Variants in ATF7IP observed in about 807,000 individuals in gnomAD.
The protein encoded by ATF7IP is activating transcription factor 7 interacting protein.
In ATF7IP, 23 loss-of-function variants were observed where a neutral mutation model predicts 106.4. That is an observed-to-expected ratio of 0.22 (90% CI 0.16 to 0.31). ATF7IP has a LOEUF of 0.31. ATF7IP is among the 10% of genes least tolerant of loss of function. The pLI is 1.00. For missense variants in ATF7IP, 1,334 were observed against 1,524.3 expected (o/e 0.88, Z 2.08); for synonymous variants, 542 against 539.0 (o/e 1.01, Z -0.08).
At chr12:14,463,169 A>AT (rs1325232396) in intron 9 of ATF7IP, among the ~76,000 whole-genome samples, 2 of 152,158 alleles carry the variant, frequency 1.3e-5, no homozygotes, top group Admixed American at 6.5e-5. Context: ...GTAGTTTGTG[A>AT]TTAATTAATT....
rs764650738 is a variant in ATF7IP at position 14,496,254 on chromosome 12, A to G, written c.3304A>G (p.Thr1102Ala). ...QNSVTVRVPQ[T>A]TTYVVNNGLT... ...AGGTGTTACAGTTCGAGTGCCTCAA[A>G]CAACCACATATGTTGTAAACAATGG... The change falls in exon 14 of 15, where the codon ACA becomes GCA. Residue 1102 changes from threonine to alanine, a missense_variant. Physicochemically the swap from Thr to Ala is moderately conservative, Grantham distance 58. Transcript: ENST00000261168. The G allele has an allele frequency of 1.2e-6, 2 of 1,613,496 alleles. No individual in the cohort carries two copies. The highest frequency in any genetic ancestry group is 2.7e-5 in the African/African-American group (2 of 74,892).
At chr12:14,411,277 G>A (rs113137202) in intron 1 of ATF7IP, among the ~76,000 whole-genome samples, 15,641 of 152,108 alleles carry the variant, frequency 0.1, 993 homozygotes, top group African/African-American at 0.18. Flanking sequence ...CCATATCATT[G>A]CCAATACTCA....
At position 14,460,796 on chromosome 12, in the gene ATF7IP, A is replaced by C. The variant is rs532612486; in HGVS notation, c.2460A>C (p.Gln820His). The C allele has an allele frequency of 6.2e-7, 1 of 1,614,190 alleles. No individual in the cohort carries two copies. Among genetic ancestry groups the C allele is most frequent in the African/African-American group, 1.3e-5 (1 of 75,052 alleles). ...PSGNVEFISV[Q>H]SPPTVSGLTK... ...GCAATGTTGAATTCATTTCTGTGCAAAGCCCACCTACAGTGAGTGGTCTTA... is the reference window on the plus strand; with the variant it reads ...GCAATGTTGAATTCATTTCTGTGCACAGCCCACCTACAGTGAGTGGTCTTA... Residue 820 changes from glutamine to histidine, a missense_variant, in exon 9 of 15, where the codon CAA becomes CAC. Coordinates refer to ENST00000261168, the MANE Select transcript of ATF7IP (RefSeq NM_018179.5).
chr12:14,387,775 G>C (rs1452073967), intron 1 of ATF7IP, among the ~76,000 whole-genome samples: 1 of 152,086 alleles, frequency 6.6e-6, no homozygotes, highest in Non-Finnish European at 1.5e-5. Context: ...GTAATTGAGG[G>C]CATAATAAAT....
intron 10 of ATF7IP, among the ~76,000 whole-genome samples, chr12:14,475,610 C>G (rs7312966): frequency 0.93 from 142,326 of 152,290 alleles, 66,910 homozygotes; most frequent in Non-Finnish European, 0.98. Context: ...AATAGTGTTT[C>G]TGTTTAATCT....
At chr12:14,388,283 C>T (rs1221624034) in intron 1 of ATF7IP, among the ~76,000 whole-genome samples, 1 of 151,682 alleles carries the variant, frequency 6.6e-6, no homozygotes, top group Non-Finnish European at 1.5e-5. Flanking sequence ...CTCCTGACCT[C>T]AGGTGATCTG....
At chr12:14,393,376 C>G (rs955235839) in intron 1 of ATF7IP, among the ~76,000 whole-genome samples, 2 of 152,058 alleles carry the variant, frequency 1.3e-5, no homozygotes, top group Non-Finnish European at 2.9e-5. Context: ...GATATAAGAT[C>G]TTTCCTCCAA....
intron 1 of ATF7IP, among the ~76,000 whole-genome samples, chr12:14,371,891 C>A (rs1007743156): frequency 3.9e-5 from 6 of 151,924 alleles, no homozygotes; most frequent in Non-Finnish European, 8.8e-5. Flanking sequence ...TCAAGGGAGT[C>A]ACATGTATAA....
Position 14,436,088 on chromosome 12 carries a change from T to C in ATF7IP, c.1646-18T>C. The stretch of plus-strand genomic sequence containing the variant: ...AAGAAAAACACCTGAGTGTGATCAT[T>C]GTGGTTTTCCTTCTCAGATGAATTT... On this transcript the variant is annotated intron_variant, in intron 3 of 14. Coordinates refer to ENST00000261168, the MANE Select transcript of ATF7IP (RefSeq NM_018179.5). 1 of 1,610,554 alleles carries C rather than the reference T, an allele frequency of 6.2e-7. No homozygotes were observed. The highest frequency in any genetic ancestry group is 8.5e-7 in the Non-Finnish European group (1 of 1,178,206).
At chr12:14,412,157 A>G (rs1476637487) in intron 1 of ATF7IP, among the ~76,000 whole-genome samples, 1 of 152,206 alleles carries the variant, frequency 6.6e-6, no homozygotes, top group Admixed American at 6.5e-5. Context: ...TTTTACTGGT[A>G]GTATCACACT....
intron 6 of ATF7IP, among the ~76,000 whole-genome samples, chr12:14,450,254 A>G (rs1025879625): frequency 6.6e-6 from 1 of 152,224 alleles, no homozygotes; most frequent in Non-Finnish European, 1.5e-5. Context: ...TGATCTTAGA[A>G]GGAAAGCTTT....
At chr12:14,367,938 T>C (rs1231062570) in intron 1 of ATF7IP, among the ~76,000 whole-genome samples, 1 of 152,082 alleles carries the variant, frequency 6.6e-6, no homozygotes, top group Non-Finnish European at 1.5e-5. Context: ...ATATAAATAT[T>C]AAGACTAGGT....
chr12:14,367,698 TAGTA>T (rs1938365335), intron 1 of ATF7IP, among the ~76,000 whole-genome samples: 1 of 152,100 alleles, frequency 6.6e-6, no homozygotes. Context: ...ATATTGAAGG[TAGTA>T]AGAGGTATTT....
chr12:14,417,814 G>A (rs1941281561), intron 1 of ATF7IP, among the ~76,000 whole-genome samples: 1 of 152,122 alleles, frequency 6.6e-6, no homozygotes, highest in East Asian at 1.9e-4. Context: ...CTTAAGTATT[G>A]CAGATACAGT....
At chr12:14,426,894 A>G (rs1426894681) in intron 2 of ATF7IP, among the ~76,000 whole-genome samples, 1 of 151,770 alleles carries the variant, frequency 6.6e-6, no homozygotes, top group Admixed American at 6.6e-5. Context: ...AAACCTATAT[A>G]AAGAGACAGG....
intron 1 of ATF7IP, among the ~76,000 whole-genome samples, chr12:14,408,002 G>C (rs1254854805): frequency 1.3e-5 from 2 of 151,984 alleles, no homozygotes; most frequent in African/African-American, 2.4e-5. Context: ...GAAAAATGTA[G>C]TACTGTTTAG....
chr12:14,369,850 C>G (rs1268602117), intron 1 of ATF7IP, among the ~76,000 whole-genome samples: 1 of 151,910 alleles, frequency 6.6e-6, no homozygotes, highest in Non-Finnish European at 1.5e-5. Flanking sequence ...GATTCATATA[C>G]TAGGTATATT....
chr12:14,494,716 T>G (rs7316564), intron 13 of ATF7IP, among the ~76,000 whole-genome samples: 15,532 of 150,836 alleles, frequency 0.1, 984 homozygotes, highest in African/African-American at 0.18. Context: ...GCAGATCACT[T>G]GAGGTCAGGA....
chr12:14,434,459 A>G lies in ATF7IP; in HGVS notation c.1645+36A>G. On this transcript the variant is annotated intron_variant, in intron 3 of 14. Transcript: ENST00000261168. ...ATAAACAAACTTGAACTGGATTGAA[A>G]AATAATAATTCACTGTTTCTATATT... 3.6e-6 allele frequency: 4 copies of G among 1,107,424 alleles called. No individual in the cohort carries two copies. In the Admixed American group the frequency reaches 5.7e-5, roughly 16 times the overall value. 68.6% of individuals were successfully genotyped at this position (1,107,424 alleles called of 1,614,324 possible).
Sources: gnomAD v4.1 joint callset for allele counts (sites outside exome capture counted in the v4.1 genomes callset) on GRCh38, gnomAD v4.1.1 for gene constraint, MANE v1.5 for transcripts, NCBI Gene and HGNC (gene_info 2026-07-23, HGNC 2026-07-21) for gene names.